SOD2: variants seen among roughly 807,000 people sequenced by gnomAD.
SOD2 encodes superoxide dismutase [Mn], mitochondrial.
Under a neutral mutation model 27.0 loss-of-function variants are expected in SOD2, and 11 were observed. The observed-to-expected ratio is 0.41, with a 90% CI of 0.26 to 0.67. The LOEUF (loss-of-function observed/expected upper bound fraction) is 0.67, where lower values mean the gene tolerates loss of function less well. Among genes scored for constraint, SOD2 ranks in the 30% least tolerant of loss-of-function variants. The pLI is 0.34. For synonymous variants in SOD2, 105 were observed against 103.0 expected (o/e 1.02, Z -0.12); for missense variants, 250 against 274.5 (o/e 0.91, Z 0.63).
intron 1 of SOD2, among the ~76,000 whole-genome samples, chr6:159,724,707 C>A (rs1778106172): frequency 6.6e-6 from 1 of 151,840 alleles, no homozygotes; most frequent in African/African-American, 2.4e-5. Context: ...AAAAAATTAG[C>A]TAGATGTGCT....
chr6:159,753,294 A>C, intron 1 of SOD2: 1 of 1,019,610 alleles, frequency 9.8e-7, no homozygotes, highest in Non-Finnish European at 1.4e-6. Flanking sequence ...CAAAATACTG[A>C]AATGCAGAAG....
At chr6:159,732,465 TAGATAC>T (rs1193715892) in intron 1 of SOD2, among the ~76,000 whole-genome samples, 1 of 152,218 alleles carries the variant, frequency 6.6e-6, no homozygotes, top group East Asian at 1.9e-4. Flanking sequence ...CGTATATACA[TAGATAC>T]AGATACTGAT....
Position 159,679,657 on chromosome 6 carries a change from T to C in SOD2, c.*2836A>G, listed in dbSNP as rs747149796. The C allele has an allele frequency of 6.6e-6, 1 of 152,150 alleles. No individual in the cohort carries two copies. Among genetic ancestry groups the C allele is most frequent in the Non-Finnish European group, 1.5e-5 (1 of 68,022 alleles). The allele number at this position is 152,150 out of a possible 1,614,324, so 9.4% of individuals were successfully genotyped here. A position where few individuals can be genotyped will look rare whatever the true frequency, so the allele number is the denominator to read the frequency against. ...TGCTCCAACACTAATCATGCTGAGG[T>C]TTTTGAAGCACAGCTATGACTAGGG... On this transcript the variant is annotated 3_prime_UTR_variant, in exon 5 of 5. Coordinates refer to ENST00000538183, the MANE Select transcript of SOD2 (RefSeq NM_000636.4).
chr6:159,761,887 G>T (rs1780138687), exon 1 of SOD2: 4 of 331,754 alleles, frequency 1.2e-5, no homozygotes, highest in Middle Eastern at 9.3e-4. Flanking sequence ...CCCGCGCCCC[G>T]CGCCCCGCGC....
At chr6:159,700,071 T>C (rs913733306) in intron 1 of SOD2, among the ~76,000 whole-genome samples, 3 of 152,220 alleles carry the variant, frequency 2.0e-5, no homozygotes, top group Non-Finnish European at 2.9e-5. Context: ...TAAAACTTCA[T>C]TTTCATGCTA....
chr6:159,753,277 G>A, intron 1 of SOD2: 1 of 849,468 alleles, frequency 1.2e-6, no homozygotes, highest in Non-Finnish European at 1.8e-6. Context: ...TTTTACTGCT[G>A]TGTTGGCAAA....
At chr6:159,748,067 G>A, upstream of SOD2, 1 of 1,220,366 alleles carries the variant, frequency 8.2e-7, no homozygotes, top group South Asian at 1.6e-5. This position sits in a 1 kb window ranked among gnomAD's most constrained non-coding sequence, Gnocchi z 5.6. Flanking sequence ...GAGAATTTCA[G>A]GATCAAAGAG....
chr6:159,750,846 C>G (rs377625820), intron 1 of SOD2, among the ~76,000 whole-genome samples: 1 of 152,042 alleles, frequency 6.6e-6, no homozygotes, highest in African/African-American at 2.4e-5. Flanking sequence ...CAGGCAATCC[C>G]GTCTGGAATA....
intron 1 of SOD2, among the ~76,000 whole-genome samples, chr6:159,733,873 G>T (rs1174864543): frequency 6.6e-6 from 1 of 152,124 alleles, no homozygotes; most frequent in Admixed American, 6.5e-5. Flanking sequence ...CCGAGATCGC[G>T]CCGTTGCACT....
At chr6:159,756,709 C>G (rs1340878475) in intron 1 of SOD2, among the ~76,000 whole-genome samples, 1 of 149,330 alleles carries the variant, frequency 6.7e-6, no homozygotes. Flanking sequence ...TCAAGTGATC[C>G]TCCCACTTCA....
At chr6:159,717,648 TA>T (rs377562433) in intron 1 of SOD2, among the ~76,000 whole-genome samples, 6 of 152,340 alleles carry the variant, frequency 3.9e-5, no homozygotes, top group South Asian at 2.1e-4. Flanking sequence ...TGTAGAACAC[TA>T]GCACTTATTC....
intron 1 of SOD2, among the ~76,000 whole-genome samples, chr6:159,707,229 A>G (rs1777644579): frequency 6.6e-6 from 1 of 152,198 alleles, no homozygotes; most frequent in Non-Finnish European, 1.5e-5. Flanking sequence ...AAGAGCAAAC[A>G]TATTCAAAAA....
chr6:159,749,374 G>T (rs1779740026), upstream of SOD2: 13 of 985,096 alleles, frequency 1.3e-5, no homozygotes, highest in Non-Finnish European at 1.6e-5. Flanking sequence ...TTGTATTTGG[G>T]CCTTTTGTAT....
At chr6:159,733,665 A>C (rs952361894) in intron 1 of SOD2, among the ~76,000 whole-genome samples, 2 of 151,664 alleles carry the variant, frequency 1.3e-5, no homozygotes, top group African/African-American at 4.8e-5. Flanking sequence ...CTGTAGTCCC[A>C]GCACTTGGGA....
intron 1 of SOD2, among the ~76,000 whole-genome samples, chr6:159,720,241 G>A (rs915942433): frequency 6.6e-6 from 1 of 152,002 alleles, no homozygotes; most frequent in Non-Finnish European, 1.5e-5. Flanking sequence ...AGCAAAGACA[G>A]AGTTTCACCA....
chr6:159,761,233 C>T (rs41258374), exon 1 of SOD2: 14,534 of 200,294 alleles, frequency 0.073, 1,265 homozygotes, highest in African/African-American at 0.22. Flanking sequence ...GTTGCTGTAA[C>T]GGTGGCCCCT....
intron 1 of SOD2, among the ~76,000 whole-genome samples, chr6:159,750,527 G>T (rs1467150518): frequency 6.6e-6 from 1 of 152,074 alleles, no homozygotes; most frequent in Non-Finnish European, 1.5e-5. Context: ...TTTTTCTTGG[G>T]TATCATCAAG....
rs1779924677 is a variant in SOD2 at position 159,680,908 on chromosome 6, C to A, written c.*1585G>T. ...CTCCGGTCGCGCCACTGCACTCCAGCCTGGGCAACAGAGCAAGACTCTGTC... is the reference window on the plus strand; with the variant it reads ...CTCCGGTCGCGCCACTGCACTCCAGACTGGGCAACAGAGCAAGACTCTGTC... On this transcript the variant is annotated 3_prime_UTR_variant, in exon 5 of 5. Transcript: ENST00000538183. The A allele has an allele frequency of 6.6e-6, 1 of 150,648 alleles. No individual in the cohort carries two copies. 9.3% of individuals were successfully genotyped at this position (150,648 alleles called of 1,614,324 possible).
upstream of SOD2, among the ~76,000 whole-genome samples, chr6:159,696,410 C>G (rs1017637419): frequency 2.0e-5 from 3 of 152,128 alleles, no homozygotes; most frequent in African/African-American, 7.2e-5. Context: ...ACCTCCACCT[C>G]CTGAGTTCAA....
Sources: gnomAD v4.1 joint callset for allele counts (sites outside exome capture counted in the v4.1 genomes callset) on GRCh38, gnomAD v4.1.1 for gene constraint, Gnocchi (gnomAD v3.1) non-coding constraint, MANE v1.5 for transcripts, NCBI Gene and HGNC (gene_info 2026-07-23, HGNC 2026-07-21) for gene names.